MMUT: variants seen among roughly 807,000 people sequenced by gnomAD.
MMUT encodes methylmalonyl-CoA mutase, also known as methylmalonyl-CoA mutase, mitochondrial.
In MMUT, 79 loss-of-function variants were observed where a neutral mutation model predicts 79.9. That is an observed-to-expected ratio of 0.99 (90% CI 0.82 to 1.19). The LOEUF is 1.19. Ranked by LOEUF, MMUT falls within the 50% of genes most tolerant of loss-of-function variation. MMUT has a pLI of 0.00. For missense variants in MMUT, 860 were observed against 917.2 expected (o/e 0.94, Z 0.81); for synonymous variants, 273 against 295.7 (o/e 0.92, Z 0.79).
chr6:49,434,494 T>G (rs1291248912), intron 12 of MMUT, among the ~76,000 whole-genome samples: 1 of 152,168 alleles, frequency 6.6e-6, no homozygotes, highest in Non-Finnish European at 1.5e-5. Flanking sequence ...GATGGATTCC[T>G]GCTATAGTGA....
chr6:49,447,589 A>G, intron 8 of MMUT, 81 bp downstream of exon 8: 1 of 793,628 alleles, frequency 1.3e-6, no homozygotes, highest in Non-Finnish European at 2.2e-6. Flanking sequence ...GATTAATTTA[A>G]GCAGGACAGT....
At chr6:49,454,550 T>C (rs1767639743) in intron 4 of MMUT, among the ~76,000 whole-genome samples, 1 of 152,192 alleles carries the variant, frequency 6.6e-6, no homozygotes, top group Non-Finnish European at 1.5e-5. Context: ...TCATGTGATC[T>C]GTCCGCCTCG....
At chr6:49,458,935 TAAAA>T in intron 2 of MMUT, 143 bp downstream of exon 2, 1 of 813,356 alleles carries the variant, frequency 1.2e-6, no homozygotes, top group Non-Finnish European at 1.8e-6. Context: ...CCACAGAAGT[TAAAA>T]AAATCCACTT....
chr6:49,448,676 A>T, intron 7 of MMUT, 140 bp downstream of exon 7: 1 of 687,434 alleles, frequency 1.5e-6, no homozygotes, highest in African/African-American at 1.8e-5. Flanking sequence ...ATATAGATAG[A>T]TACAAGTATA....
At chr6:49,438,500 G>A (rs1767190920) in intron 11 of MMUT, among the ~76,000 whole-genome samples, 1 of 152,126 alleles carries the variant, frequency 6.6e-6, no homozygotes, top group Non-Finnish European at 1.5e-5. Flanking sequence ...ATCTTTGAAA[G>A]TAATCTTCAT....
rs1767888532 is a variant in MMUT at position 49,462,809 on chromosome 6, G to A, written c.-40+294C>T. 1.3e-5 allele frequency among the ~76,000 whole-genome samples: 2 copies of A among 152,134 alleles called. 1 individual carries two copies. The highest frequency in any genetic ancestry group is 4.1e-4 in the South Asian group (2 of 4,832). On this transcript the variant is annotated intron_variant, in intron 1 of 12. Transcript: ENST00000274813. ...CCTCTGCCAACGGGAACAGTTCAGGGTGCTTAAGTGGCCAAAGAAGATACC... is the reference window on the plus strand; with the variant it reads ...CCTCTGCCAACGGGAACAGTTCAGGATGCTTAAGTGGCCAAAGAAGATACC...
chr6:49,433,529 C>A (rs996376378), intron 12 of MMUT, among the ~76,000 whole-genome samples: 1 of 152,048 alleles, frequency 6.6e-6, no homozygotes, highest in African/African-American at 2.4e-5. Flanking sequence ...CTTAGCTGGG[C>A]CAGGGATAGC....
At chr6:49,454,005 A>G (rs184750777) in intron 4 of MMUT, among the ~76,000 whole-genome samples, 1 of 152,344 alleles carries the variant, frequency 6.6e-6, no homozygotes, top group Admixed American at 6.5e-5. Flanking sequence ...TTTCTTAATG[A>G]AAGAATCTCT....
chr6:49,459,186 C>A lies in MMUT; in HGVS notation c.281G>T (p.Gly94Val), dbSNP rs535411418. 3.1e-6 allele frequency: 5 copies of A among 1,614,154 alleles called. No individual in the cohort carries two copies. The African/African-American group carries it at 5.3e-5, about 17-fold the overall frequency. The part of the protein sequence containing the change: ...ELPGVKPFTR[G>V]PYPTMYTFRP... ...AAAGGTATACATGGTAGGATATGGT[C>A]CACGTGTGAATGGCTTCACTCCTGG... is the stretch of plus-strand genomic sequence containing the variant. Residue 94 changes from glycine to valine, a missense_variant, in exon 2 of 13, where the codon GGA becomes GTA. Gly to Val is a moderately radical substitution (Grantham distance 109). Transcript: ENST00000274813.
At chr6:49,443,002 C>A (rs1475727688) in intron 9 of MMUT, among the ~76,000 whole-genome samples, 1 of 152,000 alleles carries the variant, frequency 6.6e-6, no homozygotes, top group African/African-American at 2.4e-5. Context: ...TTATACTATA[C>A]CTTAACCAGT....
rs142068898 is a variant in MMUT at position 49,457,983 on chromosome 6, C to T, written c.461G>A (p.Arg154His). The change falls in exon 3 of 13, where the codon CGT becomes CAT. Residue 154 changes from arginine (R) to histidine (H), a missense_variant. Physicochemically the swap from Arg to His is conservative, Grantham distance 29. Coordinates refer to ENST00000274813, the MANE Select transcript of MMUT (RefSeq NM_000255.4). ...AACTCCAGCCATTCCAACATCACCA[C>T]GAACTCGAGGGTTGTCTGAATCATA... ...RGYDSDNPRVRGDVGMAGVAI... is the reference protein window; with the variant it reads ...RGYDSDNPRVHGDVGMAGVAI... 395 of 1,607,934 alleles carry T rather than the reference C, an allele frequency of 2.5e-4. 2 individuals are homozygous for T. In the East Asian group the frequency reaches 7.3e-3, roughly 30 times the overall value.
chr6:49,458,027 A>G lies in MMUT; in HGVS notation c.417T>C (p.Asp139=). ...AGQQGLSVAF[D]LATHRGYDSD... ...AATCATAGCCACGATGTGTCGCCAG[A>G]TCAAAGGCAACTGATAATCCCTGCT... The change falls in exon 3 of 13, where the codon GAT becomes GAC. Residue 139 remains aspartate, a synonymous_variant. Coordinates refer to ENST00000274813, the MANE Select transcript of MMUT (RefSeq NM_000255.4). The G allele has an allele frequency of 6.2e-7, 1 of 1,602,250 alleles. No homozygotes were observed. The highest frequency in any genetic ancestry group is 1.1e-5 in the South Asian group (1 of 91,060).
At chr6:49,458,186 T>C (rs1024687372) in intron 2 of MMUT, 128 bp from the exon 3 acceptor site, 2 of 924,304 alleles carry the variant, frequency 2.2e-6, no homozygotes, top group Non-Finnish European at 3.2e-6. Flanking sequence ...ACTATTTTTA[T>C]GCTCATACAT....
chr6:49,441,983 A>G lies in MMUT; in HGVS notation c.1677-12T>C, dbSNP rs938560989. 2 of 1,606,234 alleles carry G rather than the reference A, an allele frequency of 1.2e-6. No homozygotes were observed. The highest frequency in any genetic ancestry group is 2.7e-5 in the African/African-American group (2 of 74,668). The stretch of plus-strand genomic sequence containing the variant: ...CTCCCACTGTACATCTGAAACATGA[A>G]ATGGTGGTTCCATTAACTTCATTAT... On this transcript the variant is annotated splice_polypyrimidine_tract_variant and intron_variant, in intron 9 of 12. Coordinates refer to ENST00000274813, the MANE Select transcript of MMUT (RefSeq NM_000255.4).
intron 7 of MMUT, 141 bp downstream of exon 7, chr6:49,448,675 G>C: frequency 1.5e-6 from 1 of 683,816 alleles, no homozygotes; most frequent in African/African-American, 1.8e-5. Context: ...TATATAGATA[G>C]ATACAAGTAT....
At chr6:49,449,277 C>T (rs531969555) in intron 6 of MMUT, among the ~76,000 whole-genome samples, 30 of 152,172 alleles carry the variant, frequency 2.0e-4, no homozygotes, top group African/African-American at 6.7e-4. Flanking sequence ...ATGCAATTTA[C>T]TTTTGATTTG....
chr6:49,458,074 A>C lies in MMUT; in HGVS notation c.386-16T>G, dbSNP rs768135073. On this transcript the variant is annotated splice_polypyrimidine_tract_variant and intron_variant, in intron 2 of 12. Coordinates refer to ENST00000274813, the MANE Select transcript of MMUT (RefSeq NM_000255.4). Reference sequence around the variant, plus strand: ...TGCTGACCAGCTAAATATATAAAGAAAAATAATGTAAGATTCAAGAGTCTG... The same window carrying C: ...TGCTGACCAGCTAAATATATAAAGACAAATAATGTAAGATTCAAGAGTCTG... The C allele has an allele frequency of 6.3e-7, 1 of 1,598,430 alleles. No individual in the cohort carries two copies. Among genetic ancestry groups the C allele is most frequent in the Non-Finnish European group, 8.5e-7 (1 of 1,178,934 alleles).
At chr6:49,434,720 T>C (rs936190778) in intron 12 of MMUT, among the ~76,000 whole-genome samples, 2 of 152,184 alleles carry the variant, frequency 1.3e-5, no homozygotes, top group East Asian at 1.9e-4. Context: ...CATTAATAAA[T>C]TAACTGATAT....
At chr6:49,436,681 A>G (rs777917924) in intron 11 of MMUT, among the ~76,000 whole-genome samples, 5 of 152,120 alleles carry the variant, frequency 3.3e-5, no homozygotes, top group Non-Finnish European at 7.4e-5. Context: ...CATGGAATCA[A>G]CCTAAATGCC....
Sources: allele counts gnomAD v4.1 joint callset (sites outside exome capture counted in the v4.1 genomes callset), GRCh38; gene constraint gnomAD v4.1.1; transcripts MANE v1.5; gene names NCBI Gene and HGNC (gene_info 2026-07-23, HGNC 2026-07-21).